ACTG1: variants seen among roughly 807,000 people sequenced by gnomAD.
The protein encoded by ACTG1 is actin gamma 1.
Under a neutral mutation model 34.3 loss-of-function variants are expected in ACTG1, and 14 were observed. That is an observed-to-expected ratio of 0.41 (90% CI 0.27 to 0.64). The LOEUF is 0.64. Ranked by LOEUF, ACTG1 falls within the 30% of genes least tolerant of loss-of-function variation. ACTG1 has a pLI of 0.33. For missense variants in ACTG1, 233 were observed against 529.5 expected, an observed-to-expected ratio of 0.44 and a Z score of 5.50; for synonymous variants, 422 against 213.9, an observed-to-expected ratio of 1.97 and a Z score of -8.49.
rs2031771459 is a variant in ACTG1 at position 81,511,505 on chromosome 17, G to A, written c.485C>T (p.Thr162Met). 3.7e-6 allele frequency: 6 copies of A among 1,613,868 alleles called. No homozygotes were observed. Among genetic ancestry groups the A allele is most frequent in the Non-Finnish European group, 5.1e-6 (6 of 1,180,040 alleles). The stretch of plus-strand genomic sequence containing the variant: ...GGCGTAGCCCTCGTAGATGGGCACC[G>A]TGTGGGTGACCCCGTCTCCAGAGTC... ...VMDSGDGVTH[T>M]VPIYEGYALP... The change falls in exon 4 of 6, where the codon ACG (threonine) becomes ATG (methionine). Residue 162 changes from threonine to methionine, a missense_variant. Transcript: ENST00000573283.
At chr17:81,512,593 C>G in intron 1 of ACTG1, 141 bp downstream of exon 1, 1 of 642,462 alleles carries the variant, frequency 1.6e-6, no homozygotes, top group Non-Finnish European at 2.6e-6. Flanking sequence ...CCCCCCAGCC[C>G]CGTCCGCCTG....
chr17:81,512,409 C>G (rs782265850), intron 1 of ACTG1, 49 bp from the exon 2 acceptor site: 1 of 1,613,460 alleles, frequency 6.2e-7, no homozygotes. Context: ...AACACGGTCC[C>G]CTCCCCACAG....
rs1197765780 is a variant in ACTG1, at chr17:81,511,305, T to G, written c.685A>C (p.Thr229Pro). The G allele has an allele frequency of 1.9e-6, 3 of 1,613,526 alleles. No homozygotes were observed. Among genetic ancestry groups the G allele is most frequent in the Non-Finnish European group, 2.5e-6 (3 of 1,180,038 alleles). The change falls in exon 4 of 6, where the codon ACC (threonine) becomes CCC (proline). Residue 229 changes from threonine to proline, a missense_variant. By Grantham distance (38) the Thr-to-Pro change is conservative. Coordinates refer to ENST00000573283, the MANE Select transcript of ACTG1 (RefSeq NM_001614.5). ...TCCAGAGAAGAGGAGGATGCGGCGGTGGCCATCTCCTGCTCGAAGTCCAGG... is the reference window on the plus strand; with the variant it reads ...TCCAGAGAAGAGGAGGATGCGGCGGGGGCCATCTCCTGCTCGAAGTCCAGG... ...VALDFEQEMATAASSSSLEKS... is the reference protein window; with the variant it reads ...VALDFEQEMAPAASSSSLEKS...
At chr17:81,512,582 C>G (rs1037194684) in intron 1 of ACTG1, 152 bp downstream of exon 1, 1 of 669,470 alleles carries the variant, frequency 1.5e-6, no homozygotes, top group Non-Finnish European at 2.5e-6. Context: ...ACCCCCGGCG[C>G]CCCCCCAGCC....
intron 4 of ACTG1, 25 bp downstream of exon 4, chr17:81,511,163 G>A: frequency 1.2e-6 from 2 of 1,613,744 alleles, no homozygotes; most frequent in Non-Finnish European, 1.7e-6. Flanking sequence ...TGTAAGAGTA[G>A]AAACCTTTAG....
rs782056092 is a variant in ACTG1, at chr17:81,512,109, A to G, written c.157T>C (p.Tyr53His). ...VMVGMGQKDS[Y>H]VGDEAQSKRG... ...TTGCTCTGGGCCTCGTCGCCCACGT[A>G]GGAGTCCTTCTGGCCCATGCCCACC... The change falls in exon 3 of 6, where the codon TAC becomes CAC. Residue 53 changes from tyrosine (Y) to histidine (H), a missense_variant. Transcript: ENST00000573283. The G allele has an allele frequency of 6.2e-7, 1 of 1,613,788 alleles. No individual in the cohort carries two copies. The highest frequency in any genetic ancestry group is 8.5e-7 in the Non-Finnish European group (1 of 1,180,018).
chr17:81,510,014 T>C lies in ACTG1; in HGVS notation c.*676A>G, dbSNP rs1555665974. 2.4e-6 allele frequency: 1 copy of C among 425,440 alleles called. No homozygotes were observed. The highest frequency in any genetic ancestry group is 7.1e-5 in the East Asian group (1 of 14,076). The allele number at this position is 425,440 out of a possible 1,614,324, so 26.4% of individuals were successfully genotyped here. A position where few individuals can be genotyped will look rare whatever the true frequency, so the allele number is the denominator to read the frequency against. ...TTATTTTTCCTTACACAATGACGTG[T>C]TGCTGGGGCCTAATGTTCTCACATA... On this transcript the variant is annotated 3_prime_UTR_variant, in exon 6 of 6. Transcript: ENST00000573283.
rs1241783459 is a variant in ACTG1 at position 81,510,864 on chromosome 17, C to T, written c.985-31G>A. 3 of 1,598,434 alleles carry T rather than the reference C, an allele frequency of 1.9e-6. No individual in the cohort carries two copies. In the African/African-American group the frequency reaches 4.1e-5, roughly 22 times the overall value. On this transcript the variant is annotated intron_variant, in intron 5 of 5. Transcript: ENST00000573283. ...AAGACAGCCAGGCACGGCTTCAGCT[C>T]ACAGAGCGCCCCCCAGTCAGCTCTC...
At chr17:81,511,686 ACACGCCACAACATGCTG>A in intron 3 of ACTG1, 60 bp from the exon 4 acceptor site, 1 of 1,557,532 alleles carries the variant, frequency 6.4e-7, no homozygotes, top group Non-Finnish European at 8.8e-7. Flanking sequence ...CCCCATGCTC[ACACGCCACAACATGCTG>A]CATGCCAGTG....
Position 81,511,056 on chromosome 17 carries a change from A to G in ACTG1, c.855T>C (p.Cys285=), listed in dbSNP as rs1555666507. ...HETTFNSIMK[C]DVDIRKDLYA... ...ACAGGTCTTTGCGGATGTCCACGTCACACTTCATGATGGAGTTGAAGGTGG... is the reference window on the plus strand; with the variant it reads ...ACAGGTCTTTGCGGATGTCCACGTCGCACTTCATGATGGAGTTGAAGGTGG... The change falls in exon 5 of 6, where the codon TGT becomes TGC. Residue 285 remains cysteine, a synonymous_variant. Transcript: ENST00000573283. 4 of 1,613,892 alleles carry G rather than the reference A, an allele frequency of 2.5e-6. No homozygotes were observed. Among genetic ancestry groups the G allele is most frequent in the Admixed American group, 1.7e-5 (1 of 59,992 alleles).
intron 1 of ACTG1, 150 bp downstream of exon 1, chr17:81,512,584 C>A: frequency 3.0e-6 from 2 of 677,938 alleles, no homozygotes; most frequent in East Asian, 2.9e-5. Flanking sequence ...CCCCGGCGCC[C>A]CCCCAGCCCC....
rs1425193139 is a variant in ACTG1 at position 81,510,227 on chromosome 17, C to T, written c.*463G>A. The T allele has an allele frequency of 6.1e-5, 31 of 510,254 alleles. No homozygotes were observed. In the Admixed American group the frequency reaches 6.5e-4, roughly 11 times the overall value. The allele number at this position is 510,254 out of a possible 1,614,324, so 31.6% of individuals were successfully genotyped here. A position where few individuals can be genotyped will look rare whatever the true frequency, so the allele number is the denominator to read the frequency against. Reference sequence around the variant, plus strand: ...AGCTAAGAAAGGAAACTGGGTCCTACGGCTTGGACTTTCCAACCCTGACAG... The same window carrying T: ...AGCTAAGAAAGGAAACTGGGTCCTATGGCTTGGACTTTCCAACCCTGACAG... On this transcript the variant is annotated 3_prime_UTR_variant, in exon 6 of 6. Transcript: ENST00000573283.
chr17:81,512,197 C>T, intron 2 of ACTG1, 35 bp downstream of exon 2: 1 of 1,613,382 alleles, frequency 6.2e-7, no homozygotes, highest in Non-Finnish European at 8.5e-7. Flanking sequence ...CCCCGCAACG[C>T]AGAACCCAGG....
In ACTG1 at chr17:81,511,820, A is replaced by T. The variant is rs782767139; in HGVS notation, c.363+83T>A. On this transcript the variant is annotated intron_variant, in intron 3 of 5. Coordinates refer to ENST00000573283, the MANE Select transcript of ACTG1 (RefSeq NM_001614.5). The stretch of plus-strand genomic sequence containing the variant: ...GAACAGAGCCTGGAACAGCGAAAGA[A>T]ACACTTAAATGTCAGAAATCAAGCC... 3.7e-6 allele frequency: 6 copies of T among 1,603,448 alleles called. No homozygotes were observed. The South Asian group carries it at 6.6e-5, about 18-fold the overall frequency.
chr17:81,510,136 G>A lies in ACTG1; in HGVS notation c.*554C>T, dbSNP rs11549161. On this transcript the variant is annotated 3_prime_UTR_variant, in exon 6 of 6. Coordinates refer to ENST00000573283, the MANE Select transcript of ACTG1 (RefSeq NM_001614.5). ...AAATTAAGAATGAATACATTTACAG[G>A]CGTAAATGCAAACCGCTTCCAACTC... The A allele has an allele frequency of 8.5e-6, 4 of 473,270 alleles. No homozygotes were observed. The highest frequency in any genetic ancestry group is 2.3e-5 in the Admixed American group (1 of 42,554). The allele number at this position is 473,270 out of a possible 1,614,324, so 29.3% of individuals were successfully genotyped here.
rs148632011 is a variant in ACTG1 at position 81,511,838 on chromosome 17, A to C, written c.363+65T>G. On this transcript the variant is annotated intron_variant, in intron 3 of 5. Coordinates refer to ENST00000573283, the MANE Select transcript of ACTG1 (RefSeq NM_001614.5). Reference sequence around the variant, plus strand: ...CGAAAGAAACACTTAAATGTCAGAAATCAAGCCGGGCAGAAAATGACTGGG... The same window carrying C: ...CGAAAGAAACACTTAAATGTCAGAACTCAAGCCGGGCAGAAAATGACTGGG... The C allele has an allele frequency of 7.1e-5, 115 of 1,609,608 alleles. 1 individual carries two copies. The Middle Eastern group carries it at 1.3e-3, about 19-fold the overall frequency.
Position 81,510,094 on chromosome 17 carries a change from C to T in ACTG1, c.*596G>A, listed in dbSNP as rs1568058836. On this transcript the variant is annotated 3_prime_UTR_variant, in exon 6 of 6. Transcript: ENST00000573283. The stretch of plus-strand genomic sequence containing the variant: ...TCTTCAAAGAATCGAGAATTGCGTA[C>T]AAAAAAAACCTTACATAAATTAAGA... The T allele has an allele frequency of 6.5e-6, 3 of 461,982 alleles. No individual in the cohort carries two copies. The highest frequency in any genetic ancestry group is 1.3e-5 in the Non-Finnish European group (3 of 235,282). The allele number at this position is 461,982 out of a possible 1,614,324, so 28.6% of individuals were successfully genotyped here.
rs1467856952 is a variant in ACTG1 at position 81,510,565 on chromosome 17, A to G, written c.*125T>C. 5 of 1,256,742 alleles carry G rather than the reference A, an allele frequency of 4.0e-6. No homozygotes were observed. Among genetic ancestry groups the G allele is most frequent in the South Asian group, 1.2e-5 (1 of 82,642 alleles). The allele number at this position is 1,256,742 out of a possible 1,614,324, so 77.8% of individuals were successfully genotyped here. A position where few individuals can be genotyped will look rare whatever the true frequency, so the allele number is the denominator to read the frequency against. ...CTGATATCAGATACAAGCTTCAAGG[A>G]CAATTTCTTTTCGAAGGCTTATTCC... is the stretch of plus-strand genomic sequence containing the variant. On this transcript the variant is annotated 3_prime_UTR_variant, in exon 6 of 6. Coordinates refer to ENST00000573283, the MANE Select transcript of ACTG1 (RefSeq NM_001614.5).
Position 81,510,646 on chromosome 17 carries a change from T to C in ACTG1, c.*44A>G, listed in dbSNP as rs2031703965. 1 of 1,612,278 alleles carries C rather than the reference T, an allele frequency of 6.2e-7. No homozygotes were observed. The highest frequency in any genetic ancestry group is 8.5e-7 in the Non-Finnish European group (1 of 1,179,608). On this transcript the variant is annotated 3_prime_UTR_variant, in exon 6 of 6. Coordinates refer to ENST00000573283, the MANE Select transcript of ACTG1 (RefSeq NM_001614.5). ...ATTTGCCAGGGGCAAATTTCTATTC[T>C]CAATTAACCCATGCAGCAAATGCTA...
Sources: allele counts gnomAD v4.1 joint callset, GRCh38; gene constraint gnomAD v4.1.1; transcripts MANE v1.5; gene names NCBI Gene and HGNC (gene_info 2026-07-23, HGNC 2026-07-21).